The following DPP6 variants were observed in gnomAD, a reference collection of about 807,000 sequenced individuals.
DPP6 encodes the protein A-type potassium channel modulatory protein DPP6.
A neutral mutation model predicts 122.6 loss-of-function variants in DPP6; 69 were observed. The observed-to-expected ratio is 0.56, with a 90% CI of 0.46 to 0.69. DPP6 has a LOEUF of 0.69. Ranked by LOEUF, DPP6 falls within the 30% of genes least tolerant of loss-of-function variation. The pLI, the probability that DPP6 is intolerant of heterozygous loss-of-function variation, is 0.00. For missense variants in DPP6, 928 were observed against 1,116.9 expected, an observed-to-expected ratio of 0.83 and a Z score of 2.41; for synonymous variants, 418 against 433.1, an observed-to-expected ratio of 0.97 and a Z score of 0.43.
chr7:154,081,740 C>T (rs560409933), intron 1 of DPP6, among the ~76,000 whole-genome samples: 1 of 150,738 alleles, frequency 6.6e-6, no homozygotes, highest in East Asian at 2.0e-4. Context: ...ATGTCAAAAC[C>T]TCCAGAAAGT....
intron 1 of DPP6, among the ~76,000 whole-genome samples, chr7:154,320,173 A>C (rs1807815101): frequency 6.6e-6 from 1 of 152,114 alleles, no homozygotes; most frequent in East Asian, 1.9e-4. Flanking sequence ...AAGCAATATA[A>C]AAATTGTTAA....
At chr7:154,512,128 T>C (rs1275291532) in intron 3 of DPP6, among the ~76,000 whole-genome samples, 5 of 152,216 alleles carry the variant, frequency 3.3e-5, no homozygotes, top group African/African-American at 4.8e-5. Flanking sequence ...ACATTATTCA[T>C]TTTTCTTCTA....
intron 4 of DPP6, among the ~76,000 whole-genome samples, chr7:154,546,518 A>G (rs73163083): frequency 0.12 from 18,782 of 150,788 alleles, 1,479 homozygotes; most frequent in Non-Finnish European, 0.18. Flanking sequence ...TTCTATTGTT[A>G]TGCTTATGTC....
chr7:153,901,538 G>T (rs1563218481), intron 1 of DPP6, among the ~76,000 whole-genome samples: 1 of 152,234 alleles, frequency 6.6e-6, no homozygotes, highest in African/African-American at 2.4e-5. Flanking sequence ...TAAGGAGAAA[G>T]TGGTATTAGA....
chr7:154,097,659 G>T (rs1428091952), intron 1 of DPP6, among the ~76,000 whole-genome samples: 1 of 152,230 alleles, frequency 6.6e-6, no homozygotes, highest in Non-Finnish European at 1.5e-5. Flanking sequence ...TTACCCACAG[G>T]GTCTGGGTAG....
At chr7:154,720,809 G>T (rs1841763740) in intron 7 of DPP6, among the ~76,000 whole-genome samples, 1 of 152,266 alleles carries the variant, frequency 6.6e-6, no homozygotes, top group Admixed American at 6.5e-5. Context: ...TGAGCCAGCT[G>T]ACAGGGTCCT....
chr7:154,391,018 C>T (rs1170306170), intron 1 of DPP6, among the ~76,000 whole-genome samples: 2 of 152,118 alleles, frequency 1.3e-5, no homozygotes, highest in South Asian at 2.1e-4. Flanking sequence ...TAAAATGGGG[C>T]GGATCAGCCC....
intron 1 of DPP6, among the ~76,000 whole-genome samples, chr7:154,162,755 T>C (rs1358833648): frequency 8.5e-5 from 13 of 152,212 alleles, no homozygotes; most frequent in African/African-American, 3.1e-4. Flanking sequence ...ACCTGGAATC[T>C]GTGCATTGCT....
chr7:153,861,203 AAAT>A, the DPP6 span, among the ~76,000 whole-genome samples: 1 of 152,216 alleles, frequency 6.6e-6, no homozygotes, highest in African/African-American at 2.4e-5. Context: ...TTAATATTGT[AAAT>A]AATAACAGTT....
chr7:154,181,272 C>G (rs141999044), intron 1 of DPP6, among the ~76,000 whole-genome samples: 1 of 152,240 alleles, frequency 6.6e-6, no homozygotes, highest in East Asian at 1.9e-4. Context: ...GTTTTCCACT[C>G]GTAGAAACTG....
At chr7:154,262,309 C>T (rs1011171773) in intron 1 of DPP6, among the ~76,000 whole-genome samples, 6 of 152,072 alleles carry the variant, frequency 3.9e-5, no homozygotes, top group Admixed American at 6.6e-5. Context: ...CTCTGCAAAT[C>T]GGGCCTTTAA....
chr7:154,338,276 T>A (rs1048398106), intron 1 of DPP6, among the ~76,000 whole-genome samples: 1 of 152,168 alleles, frequency 6.6e-6, no homozygotes, highest in Non-Finnish European at 1.5e-5. Flanking sequence ...GCCCCTCTGA[T>A]ACAGTATCTG....
chr7:154,266,408 A>G (rs1199892956), intron 1 of DPP6, among the ~76,000 whole-genome samples: 2 of 152,122 alleles, frequency 1.3e-5, no homozygotes, highest in African/African-American at 2.4e-5. Context: ...AAGTGACCCC[A>G]TCTCTACTAA....
intron 1 of DPP6, among the ~76,000 whole-genome samples, chr7:154,279,530 G>C (rs777581611): frequency 3.9e-5 from 6 of 152,194 alleles, no homozygotes; most frequent in Non-Finnish European, 8.8e-5. Context: ...AATATGTAGA[G>C]TAGCACGCCA....
intron 1 of DPP6, among the ~76,000 whole-genome samples, chr7:153,959,345 T>G (rs1214316179): frequency 1.3e-5 from 2 of 152,124 alleles, no homozygotes; most frequent in African/African-American, 2.4e-5. Flanking sequence ...GCTCAGTAAG[T>G]GTAGAATCCC....
At chr7:154,554,449 T>C (rs1043036197) in intron 4 of DPP6, among the ~76,000 whole-genome samples, 27 of 152,184 alleles carry the variant, frequency 1.8e-4, no homozygotes, top group African/African-American at 6.5e-4. Flanking sequence ...TTCCATTACT[T>C]GACAAATTGG....
At chr7:154,208,161 G>A (rs1035976205) in intron 1 of DPP6, among the ~76,000 whole-genome samples, 3 of 152,078 alleles carry the variant, frequency 2.0e-5, no homozygotes, top group South Asian at 2.1e-4. Context: ...CTTGATTTCC[G>A]GCAGTCACTT....
intron 1 of DPP6, among the ~76,000 whole-genome samples, chr7:154,112,589 G>C (rs1302830826): frequency 2.6e-5 from 4 of 151,602 alleles, no homozygotes; most frequent in African/African-American, 4.9e-5. Context: ...AGGTTGCAGT[G>C]AACTGAGATT....
rs1271601830 is a variant in DPP6 at position 153,901,799 on chromosome 7, AC to A, written c.51+14066del. ...TTTATTTAGGTGAATTCAGGTTGTT[AC>A]ATGGTCTTGCCACAAGTGCATCTTA... On this transcript the variant is annotated intron_variant, in intron 1 of 25. Transcript: ENST00000404039. Among the ~76,000 whole-genome samples, 327 of 152,350 alleles carry A rather than the reference AC, an allele frequency of 2.1e-3. 3 individuals are homozygous for A. Among genetic ancestry groups the A allele is most frequent in the African/African-American group, 7.6e-3 (315 of 41,582 alleles).
Sources: allele counts gnomAD v4.1 joint callset (sites outside exome capture counted in the v4.1 genomes callset), GRCh38; gene constraint gnomAD v4.1.1; transcripts MANE v1.5; gene names NCBI Gene and HGNC (gene_info 2026-07-23, HGNC 2026-07-21).